Variants in MYO1E observed in about 807,000 individuals in gnomAD.
MYO1E encodes the protein unconventional myosin-Ie.
Under a neutral mutation model 151.1 loss-of-function variants are expected in MYO1E, and 68 were observed. That is an observed-to-expected ratio of 0.45 (90% CI 0.37 to 0.55). MYO1E has a LOEUF of 0.55. Ranked by LOEUF, MYO1E falls within the 20% of genes least tolerant of loss-of-function variation. The pLI, the probability that MYO1E is intolerant of heterozygous loss-of-function variation, is 0.00. For synonymous variants in MYO1E, 601 were observed against 501.7 expected (o/e 1.20, Z -2.64); for missense variants, 1,363 against 1,389.3 (o/e 0.98, Z 0.30).
rs538494030 is a variant in MYO1E, at chr15:59,350,060, C to G, written c.3+22438G>C. ...CGTTACATAGTCCCAATGGTGGTATCTAAGGCATTTTATAATTTTCTTATT... is the reference window on the plus strand; with the variant it reads ...CGTTACATAGTCCCAATGGTGGTATGTAAGGCATTTTATAATTTTCTTATT... On this transcript the variant is annotated intron_variant, in intron 1 of 27. Coordinates refer to ENST00000288235, the MANE Select transcript of MYO1E (RefSeq NM_004998.4). The surrounding 1 kb of genome is among the most constrained non-coding windows in gnomAD (Gnocchi z 5.0). Among the ~76,000 whole-genome samples, 1 of 152,306 alleles carries G rather than the reference C, an allele frequency of 6.6e-6. No individual in the cohort carries two copies. Among genetic ancestry groups the G allele is most frequent in the East Asian group, 1.9e-4 (1 of 5,190 alleles).
Position 59,188,201 on chromosome 15 carries a change from G to A in MYO1E, c.1821C>T (p.Val607=), listed in dbSNP as rs375000696. 115 of 1,613,678 alleles carry A rather than the reference G, an allele frequency of 7.1e-5. No homozygotes were observed. Among genetic ancestry groups the A allele is most frequent in the Non-Finnish European group, 9.4e-5 (111 of 1,179,854 alleles). Residue 607 remains valine (V), a synonymous_variant, in exon 18 of 28, where the codon GTC becomes GTT. Transcript: ENST00000288235. ...TGTTCTCTTTCAGACCCAAATATTC[G>A]ACTTGATGCTTTACCCTGTGCAAAG... ...DWEESRVKHQ[V]EYLGLKENIR...
chr15:59,191,356 GAGAGAGAGAGAGAA>G (rs1463426581), intron 17 of MYO1E, among the ~76,000 whole-genome samples: 38 of 150,484 alleles, frequency 2.5e-4, no homozygotes, highest in Non-Finnish European at 3.7e-4. Flanking sequence ...GAGAGAGAGA[GAGAGAGAGAGAGAA>G]AGAAATGTCA....
At chr15:59,182,482 C>T (rs1037203873) in intron 18 of MYO1E, among the ~76,000 whole-genome samples, 4 of 152,014 alleles carry the variant, frequency 2.6e-5, no homozygotes, top group South Asian at 2.1e-4. Flanking sequence ...CAAAGTGCTG[C>T]GATTATAGGC....
At chr15:59,175,437 G>A (rs2079618937) in intron 19 of MYO1E, among the ~76,000 whole-genome samples, 1 of 152,146 alleles carries the variant, frequency 6.6e-6, no homozygotes, top group African/African-American at 2.4e-5. Flanking sequence ...GTGCATGCTT[G>A]GGAGACAGAC....
Position 59,134,661 on chromosome 15 carries a change from T to C in MYO1E, c.*2719A>G, listed in dbSNP as rs571487899. The C allele has an allele frequency of 6.6e-6, 1 of 152,368 alleles. No individual in the cohort carries two copies. The highest frequency in any genetic ancestry group is 1.5e-5 in the Non-Finnish European group (1 of 68,044). The allele number at this position is 152,368 out of a possible 1,614,324, so 9.4% of individuals were successfully genotyped here. A position where few individuals can be genotyped will look rare whatever the true frequency, so the allele number is the denominator to read the frequency against. On this transcript the variant is annotated 3_prime_UTR_variant, in exon 28 of 28. Transcript: ENST00000288235. ...TACTTAAAACCTTTGGTTGAAGGGATGTCACATTTTTATACTGTGTTTGAT... is the reference window on the plus strand; with the variant it reads ...TACTTAAAACCTTTGGTTGAAGGGACGTCACATTTTTATACTGTGTTTGAT...
At chr15:59,307,791 G>C (rs2080523793) in intron 1 of MYO1E, among the ~76,000 whole-genome samples, 2 of 151,736 alleles carry the variant, frequency 1.3e-5, no homozygotes, top group Admixed American at 6.6e-5. Flanking sequence ...TCTATCTTTA[G>C]TAGAGGTGGG....
intron 1 of MYO1E, among the ~76,000 whole-genome samples, chr15:59,348,033 GAA>G (rs371350851): frequency 0.016 from 2,391 of 152,252 alleles, 59 homozygotes; most frequent in African/African-American, 0.053. Context: ...GAACCCTGGT[GAA>G]AAACAGATTT....
At chr15:59,304,490 T>C (rs2080502990) in intron 1 of MYO1E, among the ~76,000 whole-genome samples, 1 of 152,186 alleles carries the variant, frequency 6.6e-6, no homozygotes, top group African/African-American at 2.4e-5. Flanking sequence ...CCCAGTGAAA[T>C]TTTTATAGGT....
intron 5 of MYO1E, among the ~76,000 whole-genome samples, 164 bp downstream of exon 5, chr15:59,236,407 CACACACACACACAA>C (rs1321243818): frequency 5.6e-5 from 8 of 143,288 alleles, no homozygotes; most frequent in African/African-American, 7.9e-5. Context: ...CACACACACA[CACACACACACACAA>C]ACACACATAC....
chr15:59,180,230 T>A (rs1366474301), intron 18 of MYO1E, among the ~76,000 whole-genome samples: 1 of 152,216 alleles, frequency 6.6e-6, no homozygotes, highest in African/African-American at 2.4e-5. Flanking sequence ...TTCATATATG[T>A]TATAAGGATG....
intron 1 of MYO1E, among the ~76,000 whole-genome samples, chr15:59,309,075 C>G (rs1396971654): frequency 6.6e-6 from 1 of 151,898 alleles, no homozygotes; most frequent in Non-Finnish European, 1.5e-5. Context: ...GATCACACCA[C>G]TGCACTCCAG....
At chr15:59,287,224 C>G (rs1340206212) in intron 1 of MYO1E, among the ~76,000 whole-genome samples, 1 of 152,196 alleles carries the variant, frequency 6.6e-6, no homozygotes, top group Non-Finnish European at 1.5e-5. Context: ...GAGGCACTGT[C>G]TTCTAATGGG....
chr15:59,151,187 G>A (rs1359613401), intron 26 of MYO1E, among the ~76,000 whole-genome samples: 1 of 152,004 alleles, frequency 6.6e-6, no homozygotes, highest in African/African-American at 2.4e-5. Context: ...AGCTACTATG[G>A]GAGGACAAGG....
At chr15:59,217,586 C>T (rs960964784) in intron 10 of MYO1E, among the ~76,000 whole-genome samples, 5 of 121,196 alleles carry the variant, frequency 4.1e-5, no homozygotes, top group Non-Finnish European at 7.9e-5. Context: ...AGTGCAGTGG[C>T]GTAATCTCGG....
intron 2 of MYO1E, 110 bp downstream of exon 2, chr15:59,272,196 A>G (rs2080292485): frequency 1.5e-6 from 2 of 1,290,950 alleles, no homozygotes; most frequent in Non-Finnish European, 2.2e-6. Flanking sequence ...TTAGCCTTCC[A>G]AAGTGCTGGG....
At chr15:59,264,335 C>T (rs757689546) in intron 2 of MYO1E, among the ~76,000 whole-genome samples, 73 of 152,184 alleles carry the variant, frequency 4.8e-4, no homozygotes, top group Non-Finnish European at 8.2e-4. Context: ...CAAACTCAGG[C>T]AGTCTGGATC....
chr15:59,309,833 C>G (rs958024719), intron 1 of MYO1E, among the ~76,000 whole-genome samples: 1 of 152,182 alleles, frequency 6.6e-6, no homozygotes, highest in African/African-American at 2.4e-5. Context: ...CAAAGAGAAG[C>G]TTGTCTGGAT....
intron 2 of MYO1E, among the ~76,000 whole-genome samples, chr15:59,265,602 C>T (rs1310627780): frequency 6.6e-6 from 1 of 151,942 alleles, no homozygotes; most frequent in African/African-American, 2.4e-5. Context: ...GTACCTGCTC[C>T]CTAAATTTAT....
chr15:59,174,232 A>C lies in MYO1E; in HGVS notation c.2058T>G (p.Leu686=). 6.2e-7 allele frequency: 1 copy of C among 1,609,372 alleles called. No homozygotes were observed. The highest frequency in any genetic ancestry group is 8.5e-7 in the Non-Finnish European group (1 of 1,175,826). The change falls in exon 20 of 28, where the codon CTT becomes CTG. Residue 686 remains leucine (L), a synonymous_variant. Coordinates refer to ENST00000288235, the MANE Select transcript of MYO1E (RefSeq NM_004998.4). ...ACTTTCTCTCTCTCATCTCTTCTAA[A>C]AGAAATAGCTGTGAATGGAGAGAAG... ...VFIKAPESLF[L]LEEMRERKYD...
Sources: gnomAD v4.1 joint callset for allele counts (sites outside exome capture counted in the v4.1 genomes callset) on GRCh38, gnomAD v4.1.1 for gene constraint, Gnocchi (gnomAD v3.1) non-coding constraint, MANE v1.5 for transcripts, NCBI Gene and HGNC (gene_info 2026-07-23, HGNC 2026-07-21) for gene names.